Variants in BRD4 observed in about 807,000 individuals in gnomAD.
The protein encoded by BRD4 is bromodomain containing 4.
BRD4 carries 16 observed loss-of-function variants against 142.1 expected under a neutral mutation model. The observed-to-expected ratio is 0.11, with a 90% CI of 0.08 to 0.17. The LOEUF is 0.17. Among genes scored for constraint, BRD4 ranks in the 10% least tolerant of loss-of-function variants. BRD4 has a pLI of 1.00. For missense variants in BRD4, 1,424 were observed against 1,810.9 expected, an observed-to-expected ratio of 0.79 and a Z score of 3.88; for synonymous variants, 833 against 707.5, an observed-to-expected ratio of 1.18 and a Z score of -2.82.
intron 11 of BRD4, chr19:15,253,671 C>T: frequency 3.1e-6 from 5 of 1,598,388 alleles, no homozygotes; most frequent in South Asian, 1.1e-5. Context: ...CAGCTGCAGT[C>T]TGCTCCACAT....
chr19:15,238,170 G>T lies in BRD4; in HGVS notation c.*207C>A. ...GCGGACGTCCTGTGAGGGGTGGTGG[G>T]TGGCGGGACGTCTGTCCGACTGGCC... On this transcript the variant is annotated 3_prime_UTR_variant, in exon 20 of 20. Transcript: ENST00000679869. This position sits in a 1 kb window ranked among gnomAD's most constrained non-coding sequence, Gnocchi z 7.2. 1.4e-6 allele frequency: 1 copy of T among 720,252 alleles called. No individual in the cohort carries two copies. 44.6% of individuals were successfully genotyped at this position (720,252 alleles called of 1,614,324 possible). A position where few individuals can be genotyped will look rare whatever the true frequency, so the allele number is the denominator to read the frequency against.
At chr19:15,253,361 C>T in intron 11 of BRD4, 1 of 605,790 alleles carries the variant, frequency 1.7e-6, no homozygotes, top group Non-Finnish European at 2.9e-6. Context: ...GGAGAGCAGT[C>T]CCCTCTCCAC....
intron 1 of BRD4, among the ~76,000 whole-genome samples, chr19:15,320,141 G>A (rs1330126859): frequency 6.6e-6 from 1 of 152,146 alleles, no homozygotes; most frequent in Non-Finnish European, 1.5e-5. Context: ...CTTAAGGAGT[G>A]ATGATCTAGA....
chr19:15,238,490 C>T lies in BRD4; in HGVS notation c.4021-45G>A. ...GGGAGTCAGGAGGATGACCTAGCCA[C>T]CCTGCAGCTACAAGCCCTCATACCC... On this transcript the variant is annotated intron_variant, in intron 19 of 19. Transcript: ENST00000679869. The surrounding 1 kb of genome is among the most constrained non-coding windows in gnomAD (Gnocchi z 7.2). The T allele has an allele frequency of 6.2e-7, 1 of 1,612,838 alleles. No homozygotes were observed. Among genetic ancestry groups the T allele is most frequent in the South Asian group, 1.1e-5 (1 of 90,950 alleles).
chr19:15,261,151 C>T (rs1228316306), intron 7 of BRD4, among the ~76,000 whole-genome samples: 1 of 152,134 alleles, frequency 6.6e-6, no homozygotes, highest in African/African-American at 2.4e-5. Flanking sequence ...AATCTGAGGG[C>T]GCCACTGCCA....
chr19:15,270,724 AC>A lies in BRD4; in HGVS notation c.286-1683del, dbSNP rs763242094. On this transcript the variant is annotated intron_variant, in intron 2 of 19. Transcript: ENST00000679869. ...AGGCATCAGAAAACAGACAAGGAATACTTTTTAGGGTGGCCTTATTAACATC... is the reference window on the plus strand; with the variant it reads ...AGGCATCAGAAAACAGACAAGGAATATTTTTAGGGTGGCCTTATTAACATC... Among the ~76,000 whole-genome samples the A allele has an allele frequency of 3.3e-5, 5 of 152,220 alleles. No individual in the cohort carries two copies. The South Asian group carries it at 1.0e-3, about 32-fold the overall frequency.
chr19:15,284,333 G>A (rs895779061), intron 1 of BRD4, among the ~76,000 whole-genome samples: 3 of 152,104 alleles, frequency 2.0e-5, no homozygotes, highest in African/African-American at 7.2e-5. Flanking sequence ...CTAAATTAAC[G>A]TCAGAGCTTC....
rs142351555 is a variant in BRD4, at chr19:15,244,303, G to C, written c.2509C>G (p.Pro837Ala). The C allele has an allele frequency of 8.3e-5, 132 of 1,597,078 alleles. No homozygotes were observed. Among genetic ancestry groups the C allele is most frequent in the Non-Finnish European group, 1.1e-4 (129 of 1,173,990 alleles). The stretch of plus-strand genomic sequence containing the variant: ...TGCTCAGGCGGCTGGGGCAGGTGAG[G>C]GGGCAGCTCAGGCTGCGGCAGGTGC... ...ILHLPQPELP[P>A]HLPQPPEHST... The change falls in exon 13 of 20, where the codon CCT (proline) becomes GCT (alanine). Residue 837 changes from proline to alanine, a missense_variant. This residue lies in a region of BRD4 where 598 missense variants were observed against 647.8 expected (regional missense o/e 0.92). Coordinates refer to ENST00000679869, the MANE Select transcript of BRD4 (RefSeq NM_001379291.1).
At chr19:15,255,957 GC>G in intron 9 of BRD4, 106 bp downstream of exon 9, 1 of 1,432,654 alleles carries the variant, frequency 7.0e-7, no homozygotes, top group Non-Finnish European at 9.5e-7. Context: ...CTGCAGAGGG[GC>G]AGCCTCCGCA....
intron 7 of BRD4, among the ~76,000 whole-genome samples, chr19:15,261,986 C>A (rs1195558499): frequency 6.6e-6 from 1 of 152,196 alleles, no homozygotes; most frequent in Admixed American, 6.5e-5. Flanking sequence ...AAGAAAGAGA[C>A]CAACAAACTT....
intron 1 of BRD4, among the ~76,000 whole-genome samples, chr19:15,330,332 A>G (rs1172479151): frequency 6.6e-6 from 1 of 152,174 alleles, no homozygotes; most frequent in Non-Finnish European, 1.5e-5. Flanking sequence ...CATTTGATCA[A>G]TGGAAACCCT....
At chr19:15,240,154 A>C in intron 14 of BRD4, 132 bp from the exon 15 acceptor site, 1 of 1,359,206 alleles carries the variant, frequency 7.4e-7, no homozygotes, top group South Asian at 1.5e-5. Flanking sequence ...ACAAGGGTCC[A>C]TTAGCCCAGC....
intron 1 of BRD4, among the ~76,000 whole-genome samples, chr19:15,291,314 A>T (rs530229486): frequency 6.6e-6 from 1 of 152,240 alleles, no homozygotes; most frequent in Non-Finnish European, 1.5e-5. Context: ...GTTCTGACTC[A>T]TCCTACTACA....
chr19:15,282,216 G>A (rs529169364), intron 1 of BRD4, among the ~76,000 whole-genome samples: 3 of 152,172 alleles, frequency 2.0e-5, no homozygotes, highest in Non-Finnish European at 2.9e-5. Context: ...AAACAAATGA[G>A]CCTCACTGTG....
chr19:15,281,972 T>A (rs2047708237), intron 1 of BRD4, among the ~76,000 whole-genome samples: 1 of 152,164 alleles, frequency 6.6e-6, no homozygotes, highest in Non-Finnish European at 1.5e-5. Flanking sequence ...GAGCCGAGAT[T>A]GTGCCACTGC....
In BRD4 at chr19:15,257,575, A is replaced by T. The variant is rs527502142; in HGVS notation, c.1342-402T>A. On this transcript the variant is annotated intron_variant, in intron 7 of 19. Coordinates refer to ENST00000679869, the MANE Select transcript of BRD4 (RefSeq NM_001379291.1). ...CACCAGATGCGTGCGGGGGAGCAGGAGTTGTCTGTGGTTTGAGAGGGCATT... is the reference window on the plus strand; with the variant it reads ...CACCAGATGCGTGCGGGGGAGCAGGTGTTGTCTGTGGTTTGAGAGGGCATT... 2.3e-4 allele frequency among the ~76,000 whole-genome samples: 35 copies of T among 152,128 alleles called. 1 individual carries two copies. Among genetic ancestry groups the T allele is most frequent in the Admixed American group, 2.0e-3 (30 of 15,292 alleles).
At chr19:15,267,819 T>C (rs551106535) in intron 3 of BRD4, among the ~76,000 whole-genome samples, 1 of 152,210 alleles carries the variant, frequency 6.6e-6, no homozygotes, top group African/African-American at 2.4e-5. Context: ...GCCATCCTAA[T>C]GCCTTAAGCA....
chr19:15,246,067 G>C lies in BRD4; in HGVS notation c.2159-1305C>G, dbSNP rs948216895. ...ACAGACACAGACCTCAGCAGCTACA[G>C]ACACACGTCCTCGTACAAATGACCA... On this transcript the variant is annotated intron_variant, in intron 11 of 19. Transcript: ENST00000679869. 2.0e-5 allele frequency among the ~76,000 whole-genome samples: 3 copies of C among 152,194 alleles called. No individual in the cohort carries two copies. In the South Asian group the frequency reaches 6.2e-4, roughly 32 times the overall value.
At chr19:15,298,419 C>G (rs983450140) in intron 1 of BRD4, among the ~76,000 whole-genome samples, 1 of 152,002 alleles carries the variant, frequency 6.6e-6, no homozygotes, top group Non-Finnish European at 1.5e-5. Context: ...GGGCAGATCA[C>G]GAGCTCAGGA....
Sources: gnomAD v4.1 joint callset for allele counts (sites outside exome capture counted in the v4.1 genomes callset) on GRCh38, gnomAD v4.1.1 for gene constraint, gnomAD v4.1.1 regional missense constraint, Gnocchi (gnomAD v3.1) non-coding constraint, MANE v1.5 for transcripts, NCBI Gene and HGNC (gene_info 2026-07-23, HGNC 2026-07-21) for gene names.